The following UTRN variants were observed in gnomAD, a reference collection of about 807,000 sequenced individuals.
UTRN encodes the protein utrophin, also known as dystrophin-related protein 1.
UTRN carries 283 observed loss-of-function variants against 463.9 expected under a neutral mutation model. The ratio of observed to expected loss-of-function variants is 0.61; its 90% CI spans 0.55 to 0.67. The LOEUF is 0.67. Ranked by LOEUF, UTRN falls within the 30% of genes least tolerant of loss-of-function variation. The pLI, the probability that UTRN is intolerant of heterozygous loss-of-function variation, is 0.00. For synonymous variants in UTRN, 1,442 were observed against 1,431.5 expected (o/e 1.01, Z -0.17); for missense variants, 3,922 against 4,084.3 (o/e 0.96, Z 1.08).
chr6:144,758,308 A>T (rs1336271231), intron 58 of UTRN: 3 of 51,886 alleles, frequency 5.8e-5, no homozygotes, highest in African/African-American at 3.5e-4. Context: ...TCTAAAAAGT[A>T]AAAAAAAAAA....
At chr6:144,352,737 G>A (rs188940889) in intron 2 of UTRN, among the ~76,000 whole-genome samples, 38 of 152,216 alleles carry the variant, frequency 2.5e-4, no homozygotes, top group African/African-American at 8.7e-4. Flanking sequence ...ATAAAAGGTC[G>A]TTCAAGGTAA....
chr6:144,546,637 C>G (rs1798431162), intron 46 of UTRN, among the ~76,000 whole-genome samples: 1 of 151,584 alleles, frequency 6.6e-6, no homozygotes, highest in Admixed American at 6.6e-5. Context: ...CCTGTCTCTA[C>G]AAAAAATTAA....
intron 74 of UTRN, among the ~76,000 whole-genome samples, chr6:144,849,207 G>A (rs1423521740): frequency 6.6e-6 from 1 of 152,124 alleles, no homozygotes; most frequent in African/African-American, 2.4e-5. Context: ...TCACAAAAAG[G>A]GGTATGCAGA....
At chr6:144,465,450 A>G (rs192708690) in intron 23 of UTRN, among the ~76,000 whole-genome samples, 1 of 152,274 alleles carries the variant, frequency 6.6e-6, no homozygotes, top group East Asian at 1.9e-4. Flanking sequence ...TCCAACATCA[A>G]GGGTGTGTGT....
intron 51 of UTRN, among the ~76,000 whole-genome samples, chr6:144,580,229 G>GTGGTGGTGGTGC (rs1554295630): frequency 6.6e-6 from 1 of 151,016 alleles, no homozygotes; most frequent in Non-Finnish European, 1.5e-5. Context: ...GGCAGTGGTG[G>GTGGTGGTGGTGC]TGGTGGTGCT....
intron 51 of UTRN, among the ~76,000 whole-genome samples, chr6:144,621,497 G>A (rs1050447612): frequency 2.0e-5 from 3 of 151,980 alleles, no homozygotes; most frequent in Admixed American, 6.6e-5. Flanking sequence ...ATGAGTTTAC[G>A]CCCTATCTTG....
In UTRN at chr6:144,544,016, G is replaced by A. The variant is rs551973342; in HGVS notation, c.6595+1146G>A. ...CATAATCATAGGGAAAGAATTTGAT[G>A]CATTTTATAAAATCGTCATGGGTTA... is the stretch of plus-strand genomic sequence containing the variant. On this transcript the variant is annotated intron_variant, in intron 46 of 74. Transcript: ENST00000367545. Among the ~76,000 whole-genome samples, 488 of 152,230 alleles carry A rather than the reference G, an allele frequency of 3.2e-3. 1 individual carries two copies. Among genetic ancestry groups the A allele is most frequent in the Non-Finnish European group, 5.1e-3 (347 of 68,022 alleles).
At chr6:144,363,306 A>G (rs927465586) in intron 2 of UTRN, among the ~76,000 whole-genome samples, 9 of 152,304 alleles carry the variant, frequency 5.9e-5, no homozygotes, top group African/African-American at 1.9e-4. Flanking sequence ...ATTTCTATAC[A>G]TATGTCCATT....
At chr6:144,359,644 G>C (rs1778863585) in intron 2 of UTRN, among the ~76,000 whole-genome samples, 1 of 151,746 alleles carries the variant, frequency 6.6e-6, no homozygotes, top group Admixed American at 6.6e-5. Flanking sequence ...TACTAGCCAT[G>C]ATGAGCATCT....
chr6:144,483,305 T>A (rs540895412), intron 27 of UTRN, among the ~76,000 whole-genome samples: 1 of 152,338 alleles, frequency 6.6e-6, no homozygotes, highest in East Asian at 1.9e-4. Flanking sequence ...CTTTGAGTCA[T>A]TTTTTCTTTC....
At position 144,518,883 on chromosome 6, in the gene UTRN, G is replaced by A. The variant is rs79459680; in HGVS notation, c.5541+1935G>A. ...TTTCAAACTTATATGATTCTTAAGT[G>A]TGAACATGAGAATTACTGTGGGGGA... On this transcript the variant is annotated intron_variant, in intron 39 of 74. Transcript: ENST00000367545. 1.5e-3 allele frequency among the ~76,000 whole-genome samples: 226 copies of A among 152,006 alleles called. 2 individuals are homozygous for A. The highest frequency in any genetic ancestry group is 5.3e-3 in the African/African-American group (221 of 41,330).
chr6:144,663,016 A>C (rs1194943577), intron 51 of UTRN, among the ~76,000 whole-genome samples: 1 of 152,202 alleles, frequency 6.6e-6, no homozygotes, highest in Non-Finnish European at 1.5e-5. Flanking sequence ...CAGCACAGGC[A>C]GGATGGGCAA....
At chr6:144,819,910 T>TCCTC (rs1562949034) in intron 65 of UTRN, among the ~76,000 whole-genome samples, 1 of 79,876 alleles carries the variant, frequency 1.3e-5, no homozygotes, top group Non-Finnish European at 2.3e-5. Context: ...CTCCTCCTCC[T>TCCTC]CCTCTCTCTC....
At chr6:144,814,312 A>G (rs1778890195) in intron 65 of UTRN, among the ~76,000 whole-genome samples, 1 of 152,192 alleles carries the variant, frequency 6.6e-6, no homozygotes, top group Admixed American at 6.5e-5. Flanking sequence ...TGGACCACAG[A>G]TCTACCAATC....
Position 144,533,245 on chromosome 6 carries a change from A to G in UTRN, c.6218A>G (p.Lys2073Arg). ...TGGGATGCAATTGTTGCAGAAGTGA[A>G]GGATAGGCAGCCAAGGTGATTTAGC... is the stretch of plus-strand genomic sequence containing the variant. ...QRWDAIVAEV[K>R]DRQPRLKGES... is the part of the protein sequence containing the mutation. The change falls in exon 43 of 75, where the codon AAG becomes AGG. Residue 2073 changes from lysine to arginine, a missense_variant. Coordinates refer to ENST00000367545, the MANE Select transcript of UTRN (RefSeq NM_007124.3). 1.2e-6 allele frequency: 2 copies of G among 1,614,094 alleles called. No homozygotes were observed. Among genetic ancestry groups the G allele is most frequent in the Non-Finnish European group, 8.5e-7 (1 of 1,179,954 alleles).
rs191830104 is a variant in UTRN at position 144,449,550 on chromosome 6, G to A, written c.2072+781G>A. Among the ~76,000 whole-genome samples the A allele has an allele frequency of 5.0e-3, 756 of 152,244 alleles. 3 individuals carry two copies. The highest frequency in any genetic ancestry group is 7.4e-3 in the Non-Finnish European group (503 of 68,028). On this transcript the variant is annotated intron_variant, in intron 17 of 74. Transcript: ENST00000367545. ...ATTTTTAGATGGCCGTCTCTTCTCTGAAATATTAAATAGAAAGCTGCTGTT... is the reference window on the plus strand; with the variant it reads ...ATTTTTAGATGGCCGTCTCTTCTCTAAAATATTAAATAGAAAGCTGCTGTT...
At chr6:144,716,606 A>G (rs1290292617) in intron 53 of UTRN, among the ~76,000 whole-genome samples, 1 of 152,226 alleles carries the variant, frequency 6.6e-6, no homozygotes, top group Admixed American at 6.5e-5. Flanking sequence ...TCTTAAAAGT[A>G]TAATTTTTAA....
intron 23 of UTRN, among the ~76,000 whole-genome samples, chr6:144,470,554 C>G (rs182618419): frequency 2.0e-5 from 3 of 150,516 alleles, no homozygotes; most frequent in African/African-American, 7.3e-5. Context: ...GGATGACGGC[C>G]GGGAAGAGGC....
chr6:144,654,001 C>T (rs1042890196), intron 51 of UTRN, among the ~76,000 whole-genome samples: 1 of 152,178 alleles, frequency 6.6e-6, no homozygotes, highest in Admixed American at 6.5e-5. Context: ...TCAGAGCAAA[C>T]ATCTGAAGGA....
Sources: allele counts gnomAD v4.1 joint callset (sites outside exome capture counted in the v4.1 genomes callset), GRCh38; gene constraint gnomAD v4.1.1; transcripts MANE v1.5; gene names NCBI Gene and HGNC (gene_info 2026-07-23, HGNC 2026-07-21).